The following PPM1A variants were observed in gnomAD, a reference collection of about 807,000 sequenced individuals.
PPM1A encodes the protein protein phosphatase 1A.
A neutral mutation model predicts 35.0 loss-of-function variants in PPM1A; 7 were observed. The ratio of observed to expected loss-of-function variants is 0.20; its 90% CI spans 0.11 to 0.38. The LOEUF is 0.38. Ranked by LOEUF, PPM1A falls within the 10% of genes least tolerant of loss-of-function variation. PPM1A has a pLI of 1.00. For synonymous variants in PPM1A, 153 were observed against 167.3 expected, an observed-to-expected ratio of 0.91 and a Z score of 0.66; for missense variants, 239 against 467.8, an observed-to-expected ratio of 0.51 and a Z score of 4.51.
chr14:60,286,310 T>G, intron 3 of PPM1A: 1 of 985,806 alleles, frequency 1.0e-6, no homozygotes, highest in African/African-American at 1.7e-5. Flanking sequence ...AAAGACATAA[T>G]ATTTCTCCAC....
intron 1 of PPM1A, among the ~76,000 whole-genome samples, chr14:60,261,565 C>T (rs1883745401): frequency 1.3e-5 from 2 of 152,170 alleles, no homozygotes; most frequent in South Asian, 4.2e-4. Flanking sequence ...GGAACCAGTA[C>T]AGAGTAGGAA....
chr14:60,288,484 A>G, intron 3 of PPM1A: 2 of 984,376 alleles, frequency 2.0e-6, no homozygotes, highest in Non-Finnish European at 1.2e-6. Flanking sequence ...GCAGATTTCC[A>G]GCATTAGAAC....
chr14:60,280,398 A>G (rs1191670699), intron 1 of PPM1A, among the ~76,000 whole-genome samples: 2 of 152,142 alleles, frequency 1.3e-5, no homozygotes, highest in Non-Finnish European at 2.9e-5. Context: ...CAGAATTTAA[A>G]CCCACATTGG....
chr14:60,269,644 G>C (rs900544715), intron 1 of PPM1A, among the ~76,000 whole-genome samples: 2 of 152,130 alleles, frequency 1.3e-5, no homozygotes, highest in Non-Finnish European at 2.9e-5. Context: ...CGCCTCCTGG[G>C]TTCAAGTGAT....
chr14:60,298,009 A>G lies in PPM1A; in HGVS notation c.*5527A>G, dbSNP rs1042814686. ...TGAGTCTATTTTAAGGAATTGTTTC[A>G]CTCTAGAGGTAGATAGGGGACCTGG... On this transcript the variant is annotated 3_prime_UTR_variant, in exon 6 of 6. Transcript: ENST00000395076. 1.3e-5 allele frequency: 2 copies of G among 151,550 alleles called. No homozygotes were observed. Among genetic ancestry groups the G allele is most frequent in the Admixed American group, 6.6e-5 (1 of 15,188 alleles). The allele number at this position is 151,550 out of a possible 1,614,324, so 9.4% of individuals were successfully genotyped here.
intron 1 of PPM1A, among the ~76,000 whole-genome samples, chr14:60,276,298 C>T (rs1885752152): frequency 6.6e-6 from 1 of 152,112 alleles, no homozygotes; most frequent in South Asian, 2.1e-4. Context: ...TTCCTTTTCC[C>T]CACCTTCCCC....
chr14:60,249,194 G>A (rs1882009143), upstream of PPM1A: 1 of 982,298 alleles, frequency 1.0e-6, no homozygotes, highest in Non-Finnish European at 1.2e-6. The surrounding 1 kb of genome is among the most constrained non-coding windows in gnomAD (Gnocchi z 4.5). Context: ...CGACGCGGTC[G>A]TGAGCGCGCC....
At position 60,249,745 on chromosome 14, in the gene PPM1A, G is replaced by A; in HGVS notation, c.-21+68G>A. 8 of 935,234 alleles carry A rather than the reference G, an allele frequency of 8.6e-6. No individual in the cohort carries two copies. The highest frequency in any genetic ancestry group is 1.0e-5 in the Non-Finnish European group (8 of 784,610). The allele number at this position is 935,234 out of a possible 1,614,324, so 57.9% of individuals were successfully genotyped here. ...CGGGCCTGCGCGGCGGCGGCGGCGGGCAGGCCTGGGGCCTGTAAACAAGCC... is the reference window on the plus strand; with the variant it reads ...CGGGCCTGCGCGGCGGCGGCGGCGGACAGGCCTGGGGCCTGTAAACAAGCC... On this transcript the variant is annotated intron_variant, in intron 1 of 5. Coordinates refer to ENST00000395076, the MANE Select transcript of PPM1A (RefSeq NM_021003.5). The surrounding 1 kb of genome is among the most constrained non-coding windows in gnomAD (Gnocchi z 4.5).
intron 1 of PPM1A, among the ~76,000 whole-genome samples, chr14:60,260,882 T>G (rs993945915): frequency 3.9e-5 from 6 of 152,182 alleles, no homozygotes; most frequent in African/African-American, 1.2e-4. Flanking sequence ...AATTCTTGTC[T>G]GACCGGGAAA....
At chr14:60,264,347 T>A (rs1884129708) in intron 1 of PPM1A, among the ~76,000 whole-genome samples, 1 of 152,192 alleles carries the variant, frequency 6.6e-6, no homozygotes, top group South Asian at 2.1e-4. Flanking sequence ...TGGTAGTTTT[T>A]TAAAAGATTT....
intron 1 of PPM1A, among the ~76,000 whole-genome samples, chr14:60,252,795 C>T (rs544561291): frequency 6.6e-6 from 1 of 152,124 alleles, no homozygotes; most frequent in Non-Finnish European, 1.5e-5. Flanking sequence ...GTCTTATGTT[C>T]TCCATATTAC....
chr14:60,259,996 A>T (rs1883562912), intron 1 of PPM1A, among the ~76,000 whole-genome samples: 1 of 152,106 alleles, frequency 6.6e-6, no homozygotes, highest in Non-Finnish European at 1.5e-5. Context: ...TATGAAGAAC[A>T]TCAAAAGTGG....
At chr14:60,257,132 T>C (rs1883226732) in intron 1 of PPM1A, among the ~76,000 whole-genome samples, 1 of 152,242 alleles carries the variant, frequency 6.6e-6, no homozygotes, top group African/African-American at 2.4e-5. Context: ...TTTTTTCTTA[T>C]GGCTTAAAAT....
chr14:60,277,525 T>C (rs1885903589), intron 1 of PPM1A, among the ~76,000 whole-genome samples: 1 of 152,050 alleles, frequency 6.6e-6, no homozygotes, highest in Non-Finnish European at 1.5e-5. Flanking sequence ...ATTTATATAC[T>C]ATAATAATAT....
chr14:60,297,472 A>G lies in PPM1A; in HGVS notation c.*4990A>G, dbSNP rs963227593. 1 of 151,740 alleles carries G rather than the reference A, an allele frequency of 6.6e-6. No individual in the cohort carries two copies. The highest frequency in any genetic ancestry group is 1.9e-4 in the East Asian group (1 of 5,190). 9.4% of individuals were successfully genotyped at this position (151,740 alleles called of 1,614,324 possible). On this transcript the variant is annotated 3_prime_UTR_variant, in exon 6 of 6. Coordinates refer to ENST00000395076, the MANE Select transcript of PPM1A (RefSeq NM_021003.5). ...GCATAGAAACAACTGAGAAGAATTA[A>G]TGCAATGTTTCTTCACTAGAAAACC...
rs1351137426 is a variant in PPM1A, at chr14:60,287,663, A to G, written c.952+1922A>G. Reference sequence around the variant, plus strand: ...CATTTTTGGCTTCTCTGTCCACACCATAGAAAAGGACAAAGGCCTTCCAGC... The same window carrying G: ...CATTTTTGGCTTCTCTGTCCACACCGTAGAAAAGGACAAAGGCCTTCCAGC... On this transcript the variant is annotated intron_variant, in intron 3 of 5. Coordinates refer to ENST00000395076, the MANE Select transcript of PPM1A (RefSeq NM_021003.5). The G allele has an allele frequency of 1.0e-5, 10 of 985,196 alleles. No individual in the cohort carries two copies. The South Asian group carries it at 4.2e-4, about 42-fold the overall frequency. 61.0% of individuals were successfully genotyped at this position (985,196 alleles called of 1,614,324 possible). A position where few individuals can be genotyped will look rare whatever the true frequency, so the allele number is the denominator to read the frequency against.
rs1292645056 is a variant in PPM1A, at chr14:60,297,821, T to C, written c.*5339T>C. 1.3e-5 allele frequency: 2 copies of C among 151,592 alleles called. No homozygotes were observed. The highest frequency in any genetic ancestry group is 1.9e-4 in the East Asian group (1 of 5,188). 9.4% of individuals were successfully genotyped at this position (151,592 alleles called of 1,614,324 possible). The stretch of plus-strand genomic sequence containing the variant: ...GAGACTGATGAATCCTAGGGACTTA[T>C]TTACCCAGGAAAATGCGTATATAAC... On this transcript the variant is annotated 3_prime_UTR_variant, in exon 6 of 6. Transcript: ENST00000395076.
At chr14:60,261,714 T>TA (rs1401739841) in intron 1 of PPM1A, among the ~76,000 whole-genome samples, 1 of 152,230 alleles carries the variant, frequency 6.6e-6, no homozygotes, top group African/African-American at 2.4e-5. Context: ...GTTCACTTTT[T>TA]ATCCAGAAAA....
upstream of PPM1A, chr14:60,245,898 G>A: frequency 1.9e-6 from 3 of 1,590,846 alleles, no homozygotes; most frequent in Non-Finnish European, 1.7e-6. This position sits in a 1 kb window ranked among gnomAD's most constrained non-coding sequence, Gnocchi z 4.2. Flanking sequence ...TTTGTACTAA[G>A]CTAATGAAAA....
Sources: allele counts gnomAD v4.1 joint callset (sites outside exome capture counted in the v4.1 genomes callset), GRCh38; gene constraint gnomAD v4.1.1; non-coding constraint Gnocchi (gnomAD v3.1); transcripts MANE v1.5; gene names NCBI Gene and HGNC (gene_info 2026-07-23, HGNC 2026-07-21).